Variants in CCDC43 observed in about 807,000 individuals in gnomAD.
The protein encoded by CCDC43 is coiled-coil domain containing 43.
In CCDC43, 20 loss-of-function variants were observed where a neutral mutation model predicts 33.3. The ratio of observed to expected loss-of-function variants is 0.60; its 90% CI spans 0.42 to 0.87. CCDC43 has a LOEUF of 0.87. Among genes scored for constraint, CCDC43 ranks in the 40% least tolerant of loss-of-function variants. The pLI is 0.00. For missense variants in CCDC43, 248 were observed against 269.9 expected (o/e 0.92, Z 0.57); for synonymous variants, 104 against 106.5 (o/e 0.98, Z 0.14).
chr17:44,688,069 T>G (rs1050005240), intron 1 of CCDC43: 6 of 152,340 alleles, frequency 3.9e-5, no homozygotes, highest in African/African-American at 1.2e-4. Context: ...CACAAAACAC[T>G]TTTGGATTTG....
chr17:44,684,708 G>GA (rs1267755040), intron 1 of CCDC43, among the ~76,000 whole-genome samples: 2 of 150,916 alleles, frequency 1.3e-5, no homozygotes, highest in African/African-American at 2.4e-5. Flanking sequence ...AAAAAAAAAA[G>GA]AAAGAAAGAA....
chr17:44,679,406 CT>C (rs1424442152), intron 4 of CCDC43, among the ~76,000 whole-genome samples: 1 of 152,072 alleles, frequency 6.6e-6, no homozygotes, highest in Admixed American at 6.5e-5. Flanking sequence ...AGAATCTAGG[CT>C]AGTTTTGGTG....
chr17:44,682,342 C>A (rs1404361271), intron 2 of CCDC43, among the ~76,000 whole-genome samples: 2 of 139,578 alleles, frequency 1.4e-5, no homozygotes, highest in Non-Finnish European at 3.0e-5. Context: ...CATCTTCAAT[C>A]AGAGCAGCCC....
chr17:44,686,135 G>C (rs867147234), intron 1 of CCDC43, among the ~76,000 whole-genome samples: 21 of 152,016 alleles, frequency 1.4e-4, no homozygotes, highest in African/African-American at 5.1e-4. Flanking sequence ...GGATGGTTTC[G>C]ATCTCCTGAC....
intron 4 of CCDC43, among the ~76,000 whole-genome samples, chr17:44,679,843 G>A (rs953926150): frequency 5.3e-5 from 8 of 151,458 alleles, no homozygotes; most frequent in East Asian, 2.0e-4. Context: ...GCAGTGAGCC[G>A]AGATCGCACC....
At chr17:44,685,489 T>C (rs1972221038) in intron 1 of CCDC43, among the ~76,000 whole-genome samples, 1 of 152,238 alleles carries the variant, frequency 6.6e-6, no homozygotes, top group Non-Finnish European at 1.5e-5. Flanking sequence ...TTAGAGATAC[T>C]TAAGTTCAAA....
chr17:44,683,739 T>C (rs1026645417), intron 2 of CCDC43, 133 bp downstream of exon 2: 1 of 608,794 alleles, frequency 1.6e-6, no homozygotes, highest in Non-Finnish European at 3.0e-6. Flanking sequence ...GGCTGTTGGG[T>C]GTTTGCCAGT....
At chr17:44,688,072 T>C (rs912371409) in intron 1 of CCDC43, 4 of 152,234 alleles carry the variant, frequency 2.6e-5, no homozygotes, top group Admixed American at 1.3e-4. Flanking sequence ...AAAACACTTT[T>C]GGATTTGAAA....
intron 4 of CCDC43, among the ~76,000 whole-genome samples, chr17:44,679,472 G>A (rs577469267): frequency 3.5e-4 from 54 of 152,298 alleles, no homozygotes; most frequent in Non-Finnish European, 7.4e-4. Flanking sequence ...CTGTTAAAAT[G>A]CCTTAAAAGA....
chr17:44,682,263 G>T, intron 2 of CCDC43, 125 bp from the exon 3 acceptor site: 1 of 1,153,162 alleles, frequency 8.7e-7, no homozygotes, highest in Non-Finnish European at 1.2e-6. Context: ...GAGCCTGGCA[G>T]TTCAAAGGAC....
intron 3 of CCDC43, among the ~76,000 whole-genome samples, chr17:44,681,578 A>C (rs752474594): frequency 1.3e-5 from 2 of 152,134 alleles, no homozygotes; most frequent in Non-Finnish European, 2.9e-5. Context: ...TTTTGCCACT[A>C]ATCTTCTGAA....
chr17:44,679,024 A>G lies in CCDC43; in HGVS notation c.507T>C (p.Asn169=), dbSNP rs1270914894. The change falls in exon 5 of 5, where the codon AAT becomes AAC. Residue 169 remains asparagine (N), a synonymous_variant. Coordinates refer to ENST00000315286, the MANE Select transcript of CCDC43 (RefSeq NM_144609.3). Reference sequence around the variant, plus strand: ...TTCGGGCATTAAGGACATCTTCCACATTGGTGTTTCGGAACAGAACTACAG... The same window carrying G: ...TTCGGGCATTAAGGACATCTTCCACGTTGGTGTTTCGGAACAGAACTACAG... ...GSDKLLFRNT[N]VEDVLNARKL... The G allele has an allele frequency of 1.9e-6, 3 of 1,613,628 alleles. No individual in the cohort carries two copies. Among genetic ancestry groups the G allele is most frequent in the South Asian group, 2.2e-5 (2 of 91,068 alleles).
Position 44,684,071 on chromosome 17 carries a change from G to A in CCDC43, c.205-112C>T, listed in dbSNP as rs114682066. ...CTCTCCATGCTGTGAAATTATGGAAGGGTCTGGGAGCCACAATAGAGTATG... is the reference window on the plus strand; with the variant it reads ...CTCTCCATGCTGTGAAATTATGGAAAGGTCTGGGAGCCACAATAGAGTATG... On this transcript the variant is annotated intron_variant, in intron 1 of 4. Coordinates refer to ENST00000315286, the MANE Select transcript of CCDC43 (RefSeq NM_144609.3). The A allele has an allele frequency of 4.3e-3, 3,005 of 695,808 alleles. 56 individuals carry two copies. The highest frequency in any genetic ancestry group is 0.042 in the African/African-American group (2,318 of 55,774). 43.1% of individuals were successfully genotyped at this position (695,808 alleles called of 1,614,324 possible). A position where few individuals can be genotyped will look rare whatever the true frequency, so the allele number is the denominator to read the frequency against.
At chr17:44,683,828 C>A (rs747371194) in intron 2 of CCDC43, 44 bp downstream of exon 2, 36 of 1,347,066 alleles carry the variant, frequency 2.7e-5, no homozygotes, top group Non-Finnish European at 3.3e-5. Context: ...GTCAAGGCTG[C>A]TGGAAAAGGC....
chr17:44,681,415 G>A (rs1972160335), intron 3 of CCDC43, among the ~76,000 whole-genome samples: 1 of 152,218 alleles, frequency 6.6e-6, no homozygotes, highest in Non-Finnish European at 1.5e-5. Flanking sequence ...TCCAGCCTAA[G>A]CGACGAAGCG....
rs1457300730 is a variant in CCDC43, at chr17:44,677,629, A to C, written c.*1227T>G. 2.0e-5 allele frequency: 3 copies of C among 152,086 alleles called. No individual in the cohort carries two copies. Among genetic ancestry groups the C allele is most frequent in the African/African-American group, 7.2e-5 (3 of 41,418 alleles). The allele number at this position is 152,086 out of a possible 1,614,324, so 9.4% of individuals were successfully genotyped here. On this transcript the variant is annotated 3_prime_UTR_variant, in exon 5 of 5. Coordinates refer to ENST00000315286, the MANE Select transcript of CCDC43 (RefSeq NM_144609.3). Reference sequence around the variant, plus strand: ...TAATGGTATAAAACAGAGATTGGCAAACCTTTCCTCCAACAGGCCAGGTAG... The same window carrying C: ...TAATGGTATAAAACAGAGATTGGCACACCTTTCCTCCAACAGGCCAGGTAG...
chr17:44,685,554 T>C (rs185593582), intron 1 of CCDC43, among the ~76,000 whole-genome samples: 30 of 152,342 alleles, frequency 2.0e-4, no homozygotes, highest in Non-Finnish European at 3.7e-4. Flanking sequence ...CCTCCCAGGA[T>C]TTTACTGAGG....
chr17:44,678,636 G>A lies in CCDC43; in HGVS notation c.*220C>T, dbSNP rs1240327235. 1 of 438,608 alleles carries A rather than the reference G, an allele frequency of 2.3e-6. No individual in the cohort carries two copies. The highest frequency in any genetic ancestry group is 4.0e-5 in the Admixed American group (1 of 24,926). 27.2% of individuals were successfully genotyped at this position (438,608 alleles called of 1,614,324 possible). On this transcript the variant is annotated 3_prime_UTR_variant, in exon 5 of 5. Transcript: ENST00000315286. Reference sequence around the variant, plus strand: ...AAATATAAAGGTGGCCCCCATTCCAGATCTTTGGTACAGTCATCAACTATA... The same window carrying A: ...AAATATAAAGGTGGCCCCCATTCCAAATCTTTGGTACAGTCATCAACTATA...
rs371323383 is a variant in CCDC43, at chr17:44,681,051, A to G, written c.429-408T>C. Among the ~76,000 whole-genome samples the G allele has an allele frequency of 3.3e-4, 50 of 152,296 alleles. No homozygotes were observed. In the East Asian group the frequency reaches 5.6e-3, roughly 17 times the overall value. ...TTTTAACAAGTCCTCCAGGAGAACC[A>G]CTGCTTTAAAAGTCCTTTTCTAGCC... is the stretch of plus-strand genomic sequence containing the variant. On this transcript the variant is annotated intron_variant, in intron 3 of 4. Transcript: ENST00000315286.
Sources: allele counts gnomAD v4.1 joint callset (sites outside exome capture counted in the v4.1 genomes callset), GRCh38; gene constraint gnomAD v4.1.1; transcripts MANE v1.5; gene names NCBI Gene and HGNC (gene_info 2026-07-23, HGNC 2026-07-21).